The following CACNA1C variants were observed in gnomAD, a reference collection of about 807,000 sequenced individuals.
CACNA1C encodes calcium voltage-gated channel subunit alpha1 C.
A neutral mutation model predicts 229.0 loss-of-function variants in CACNA1C; 30 were observed. The observed-to-expected ratio is 0.13, with a 90% CI of 0.10 to 0.18. The LOEUF (loss-of-function observed/expected upper bound fraction) is 0.18, where lower values mean the gene tolerates loss of function less well. CACNA1C is among the 10% of genes least tolerant of loss of function. The probability of loss-of-function intolerance (pLI) is 1.00; values close to 1 mark genes in which losing one functional copy is unlikely to be tolerated. For missense variants in CACNA1C, 1,658 were observed against 2,845.0 expected, an observed-to-expected ratio of 0.58 and a Z score of 9.49; for synonymous variants, 1,114 against 1,132.5, an observed-to-expected ratio of 0.98 and a Z score of 0.33.
chr12:2,327,238 T>C (rs2096350418), intron 3 of CACNA1C, among the ~76,000 whole-genome samples: 1 of 152,280 alleles, frequency 6.6e-6, no homozygotes, highest in African/African-American at 2.4e-5. Context: ...TCCTGGATGC[T>C]GAATTCCTGT....
At chr12:2,136,019 T>C (rs2093423873) in intron 3 of CACNA1C, among the ~76,000 whole-genome samples, 1 of 150,654 alleles carries the variant, frequency 6.6e-6, no homozygotes, top group Non-Finnish European at 1.5e-5. Context: ...GTGCGCCGTT[T>C]TTTAAGCCGG....
At chr12:1,980,880 G>C (rs1022482532) in intron 1 of CACNA1C, among the ~76,000 whole-genome samples, 1 of 152,010 alleles carries the variant, frequency 6.6e-6, no homozygotes, top group Admixed American at 6.5e-5. Context: ...TTAACACAGT[G>C]AATAAACTTC....
intron 3 of CACNA1C, among the ~76,000 whole-genome samples, chr12:2,370,250 A>G (rs2097829558): frequency 6.6e-6 from 1 of 150,554 alleles, no homozygotes; most frequent in Admixed American, 6.6e-5. Flanking sequence ...ATATACTATG[A>G]TAGAAATAGA....
At chr12:2,001,656 A>T (rs2042219589) in intron 1 of CACNA1C, among the ~76,000 whole-genome samples, 1 of 152,220 alleles carries the variant, frequency 6.6e-6, no homozygotes, top group African/African-American at 2.4e-5. Flanking sequence ...GAGGCTTTCA[A>T]CAATATGAAA....
At chr12:2,164,846 T>C (rs565785117) in intron 3 of CACNA1C, among the ~76,000 whole-genome samples, 1 of 152,308 alleles carries the variant, frequency 6.6e-6, no homozygotes, top group Non-Finnish European at 1.5e-5. Context: ...AATACAGGTA[T>C]GGCGCACACA....
intron 3 of CACNA1C, among the ~76,000 whole-genome samples, chr12:2,436,902 C>T (rs2099140147): frequency 6.6e-6 from 1 of 152,234 alleles, no homozygotes; most frequent in Admixed American, 6.5e-5. Context: ...TCTCTTTGCC[C>T]ACCCTCAGCA....
intron 7 of CACNA1C, among the ~76,000 whole-genome samples, chr12:2,497,703 C>A (rs1156951040): frequency 6.6e-6 from 1 of 151,654 alleles, no homozygotes; most frequent in Non-Finnish European, 1.5e-5. Context: ...AGTTCTTCGA[C>A]TGATTTTTTT....
intron 3 of CACNA1C, among the ~76,000 whole-genome samples, chr12:2,213,103 G>A (rs1458904372): frequency 6.6e-6 from 1 of 152,128 alleles, no homozygotes; most frequent in Admixed American, 6.5e-5. Context: ...GCTGGGGCCC[G>A]GCTAAATATT....
chr12:2,444,144 T>C (rs2099254630), intron 3 of CACNA1C, among the ~76,000 whole-genome samples: 1 of 152,210 alleles, frequency 6.6e-6, no homozygotes, highest in Non-Finnish European at 1.5e-5. Context: ...GCCATGTCTC[T>C]GGGGATAAGT....
At chr12:1,988,771 C>T (rs2038539599) in intron 1 of CACNA1C, among the ~76,000 whole-genome samples, 1 of 152,170 alleles carries the variant, frequency 6.6e-6, no homozygotes, top group African/African-American at 2.4e-5. Context: ...ATGGGGGCTA[C>T]CTGTAATTTT....
At chr12:2,494,968 T>C (rs2099743711) in intron 7 of CACNA1C, among the ~76,000 whole-genome samples, 1 of 152,138 alleles carries the variant, frequency 6.6e-6, no homozygotes, top group South Asian at 2.1e-4. Flanking sequence ...AGTCCAATTA[T>C]CTCAGTCTAG....
intron 3 of CACNA1C, among the ~76,000 whole-genome samples, chr12:2,352,570 T>C (rs543790387): frequency 6.6e-6 from 1 of 152,310 alleles, no homozygotes; most frequent in South Asian, 2.1e-4. Context: ...CCCCCAAGGA[T>C]GCTGAAATTA....
intron 29 of CACNA1C, among the ~76,000 whole-genome samples, chr12:2,627,245 A>C (rs1016119367): frequency 1.3e-4 from 20 of 152,334 alleles, no homozygotes; most frequent in Admixed American, 7.2e-4. Flanking sequence ...GGCTGCTGGC[A>C]GCTGTGTGCT....
intron 1 of CACNA1C, among the ~76,000 whole-genome samples, chr12:2,059,052 G>T (rs1565429058): frequency 6.6e-6 from 1 of 152,124 alleles, no homozygotes; most frequent in Non-Finnish European, 1.5e-5. Context: ...ATTCTCTACT[G>T]CCCCCTTTCC....
At chr12:2,221,637 T>C (rs1439737052) in intron 3 of CACNA1C, 4 of 152,214 alleles carry the variant, frequency 2.6e-5, no homozygotes, top group Admixed American at 6.5e-5. Flanking sequence ...TTTGACAAAA[T>C]GTTCAAAGGC....
At position 1,996,648 on chromosome 12, in the gene CACNA1C, AAAAAAAAC is replaced by A. The variant is rs1342626326; in HGVS notation, c.139+25450_139+25457del. ...AAAAAAAAAAAAAAAAAAAAAAAAA[AAAAAAAAC>A]AACAAACTCTTCTAATGTTTTAAAG... On this transcript the variant is annotated intron_variant, in intron 1 of 46. Transcript: ENST00000682462. Among the ~76,000 whole-genome samples, 79 of 49,594 alleles carry A rather than the reference AAAAAAAAC, an allele frequency of 1.6e-3. 5 individuals carry two copies. The highest frequency in any genetic ancestry group is 7.5e-3 in the African/African-American group (70 of 9,328). 32.5% of individuals were successfully genotyped at this position (49,594 alleles called of 152,430 possible).
intron 3 of CACNA1C, among the ~76,000 whole-genome samples, chr12:2,271,237 C>G (rs952113677): frequency 1.3e-5 from 2 of 152,184 alleles, no homozygotes; most frequent in African/African-American, 4.8e-5. Flanking sequence ...TTCTTCGACT[C>G]CTGTGTTTCT....
intron 1 of CACNA1C, among the ~76,000 whole-genome samples, chr12:1,998,817 C>G (rs189640548): frequency 6.6e-6 from 1 of 152,260 alleles, no homozygotes; most frequent in Admixed American, 6.5e-5. Context: ...TTAAAATGTA[C>G]TTTTGCAATT....
chr12:2,095,048 A>T (rs1012130045), intron 1 of CACNA1C, among the ~76,000 whole-genome samples: 1 of 152,224 alleles, frequency 6.6e-6, no homozygotes, highest in African/African-American at 2.4e-5. Flanking sequence ...AAACGTAAAT[A>T]AGTTGCCCGG....
Sources: allele counts gnomAD v4.1 joint callset (sites outside exome capture counted in the v4.1 genomes callset), GRCh38; gene constraint gnomAD v4.1.1; transcripts MANE v1.5; gene names NCBI Gene and HGNC (gene_info 2026-07-23, HGNC 2026-07-21).